The following HSF5 variants were observed in gnomAD, a reference collection of about 807,000 sequenced individuals.
HSF5 encodes heat shock factor protein 5.
Under a neutral mutation model 50.8 loss-of-function variants are expected in HSF5, and 5 were observed. The observed-to-expected ratio is 0.10, with a 90% CI of 0.05 to 0.21. The LOEUF is 0.21. Among genes scored for constraint, HSF5 ranks in the 10% least tolerant of loss-of-function variants. The pLI is 1.00. For missense variants in HSF5, 564 were observed against 762.6 expected, an observed-to-expected ratio of 0.74 and a Z score of 3.07; for synonymous variants, 307 against 307.4, an observed-to-expected ratio of 1.00 and a Z score of 0.02.
At chr17:58,471,900 C>T (rs906133857) in intron 2 of HSF5, among the ~76,000 whole-genome samples, 2 of 152,108 alleles carry the variant, frequency 1.3e-5, no homozygotes, top group African/African-American at 2.4e-5. Context: ...GTTGCCGAGG[C>T]GGGAGTGCAG....
At chr17:58,432,280 T>C (rs926541748) in intron 5 of HSF5, among the ~76,000 whole-genome samples, 65 of 135,228 alleles carry the variant, frequency 4.8e-4, no homozygotes, top group African/African-American at 1.7e-3. Flanking sequence ...CTAGAAAGAG[T>C]GGGGGTGGGA....
chr17:58,455,729 T>C (rs370645377), intron 5 of HSF5, among the ~76,000 whole-genome samples: 1 of 152,100 alleles, frequency 6.6e-6, no homozygotes, highest in Non-Finnish European at 1.5e-5. Context: ...AACAGATATA[T>C]GGAAAAATGC....
chr17:58,446,130 T>G (rs1199875829), intron 5 of HSF5, among the ~76,000 whole-genome samples: 1 of 106,394 alleles, frequency 9.4e-6, no homozygotes, highest in Non-Finnish European at 1.8e-5. Context: ...AGAGTGAAAC[T>G]CCATCTCAAA....
chr17:58,447,887 T>C (rs1341313354), intron 5 of HSF5, among the ~76,000 whole-genome samples: 2 of 152,170 alleles, frequency 1.3e-5, no homozygotes, highest in Non-Finnish European at 2.9e-5. Context: ...CAGTGGCTCA[T>C]GCCTGTAATC....
chr17:58,429,886 C>T (rs1974341519), intron 5 of HSF5, among the ~76,000 whole-genome samples: 1 of 149,394 alleles, frequency 6.7e-6, no homozygotes, highest in Admixed American at 6.7e-5. Context: ...GTTAATTTTA[C>T]CTTAAAAAAA....
At chr17:58,450,172 C>T (rs1263344332) in intron 5 of HSF5, among the ~76,000 whole-genome samples, 1 of 150,312 alleles carries the variant, frequency 6.7e-6, no homozygotes, top group African/African-American at 2.5e-5. Context: ...TCTGTTTCTA[C>T]CAAAAAATAC....
chr17:58,468,090 A>G (rs1393596874), intron 2 of HSF5, among the ~76,000 whole-genome samples: 1 of 152,188 alleles, frequency 6.6e-6, no homozygotes, highest in Non-Finnish European at 1.5e-5. Flanking sequence ...ACTCCAAAGC[A>G]CACGCTCTTT....
At chr17:58,444,955 T>C (rs1024254538) in intron 5 of HSF5, among the ~76,000 whole-genome samples, 7 of 152,036 alleles carry the variant, frequency 4.6e-5, no homozygotes, top group African/African-American at 1.7e-4. Context: ...AAAGATGATA[T>C]ACAAACAGCC....
At chr17:58,467,700 G>A (rs1377780082) in intron 2 of HSF5, among the ~76,000 whole-genome samples, 1 of 152,228 alleles carries the variant, frequency 6.6e-6, no homozygotes, top group African/African-American at 2.4e-5. Context: ...AAGAGTACTG[G>A]TACACAGTAA....
intron 1 of HSF5, among the ~76,000 whole-genome samples, chr17:58,481,819 G>A (rs147463867): frequency 1.5e-3 from 235 of 152,276 alleles, no homozygotes; most frequent in African/African-American, 5.2e-3. Flanking sequence ...CAGCAACATG[G>A]TGAAACCCCA....
Position 58,466,997 on chromosome 17 carries a change from A to G in HSF5, c.926-18T>C. 4 of 1,529,882 alleles carry G rather than the reference A, an allele frequency of 2.6e-6. No individual in the cohort carries two copies. The highest frequency in any genetic ancestry group is 3.6e-6 in the Non-Finnish European group (4 of 1,104,082). The allele number at this position is 1,529,882 out of a possible 1,614,324, so 94.8% of individuals were successfully genotyped here. A position where few individuals can be genotyped will look rare whatever the true frequency, so the allele number is the denominator to read the frequency against. ...TAGCACAGCTGGAACAAATTCAAACACAGAAAAGCCATCAACCACAATACA... is the reference window on the plus strand; with the variant it reads ...TAGCACAGCTGGAACAAATTCAAACGCAGAAAAGCCATCAACCACAATACA... On this transcript the variant is annotated intron_variant, in intron 2 of 5. Coordinates refer to ENST00000323777, the MANE Select transcript of HSF5 (RefSeq NM_001080439.3).
At chr17:58,422,573 C>T (rs958471772) in intron 5 of HSF5, 143 bp from the exon 6 acceptor site, 6 of 580,250 alleles carry the variant, frequency 1.0e-5, no homozygotes, top group East Asian at 6.0e-5. Flanking sequence ...TTCTCAATTT[C>T]GGGATATTCC....
intron 5 of HSF5, among the ~76,000 whole-genome samples, chr17:58,449,276 A>G (rs1211461818): frequency 6.6e-6 from 1 of 152,278 alleles, no homozygotes; most frequent in Non-Finnish European, 1.5e-5. Flanking sequence ...AATAAGTCTT[A>G]CCTGTAAGTC....
intron 5 of HSF5, among the ~76,000 whole-genome samples, chr17:58,422,765 G>A (rs1024475198): frequency 1.3e-5 from 2 of 148,332 alleles, no homozygotes; most frequent in Non-Finnish European, 3.0e-5. Flanking sequence ...GCACAATCTC[G>A]GCTCGCTGCA....
At chr17:58,443,066 C>T (rs1206442162) in intron 5 of HSF5, among the ~76,000 whole-genome samples, 1 of 152,080 alleles carries the variant, frequency 6.6e-6, no homozygotes, top group Non-Finnish European at 1.5e-5. Flanking sequence ...CACCACCACG[C>T]CCGGCTAATT....
chr17:58,425,134 C>T lies in HSF5; in HGVS notation c.1721-2704G>A, dbSNP rs759776868. Among the ~76,000 whole-genome samples the T allele has an allele frequency of 2.4e-4, 36 of 152,166 alleles. 1 individual carries two copies. Among genetic ancestry groups the T allele is most frequent in the Admixed American group, 1.8e-3 (28 of 15,270 alleles). On this transcript the variant is annotated intron_variant, in intron 5 of 5. Coordinates refer to ENST00000323777, the MANE Select transcript of HSF5 (RefSeq NM_001080439.3). ...TACAATGAGGCCGGGTGCGGTGGCT[C>T]ATGCCTGTAATCCCAGTATTTTGGG... is the stretch of plus-strand genomic sequence containing the variant.
intron 5 of HSF5, among the ~76,000 whole-genome samples, chr17:58,426,160 A>G (rs1974294264): frequency 6.6e-6 from 1 of 152,220 alleles, no homozygotes; most frequent in African/African-American, 2.4e-5. Context: ...TGACTGTTAA[A>G]GCAACTACAG....
intron 5 of HSF5, among the ~76,000 whole-genome samples, chr17:58,452,763 C>T (rs929710329): frequency 6.6e-6 from 1 of 152,264 alleles, no homozygotes; most frequent in Non-Finnish European, 1.5e-5. Flanking sequence ...CTCCACGCCA[C>T]CCTCCAGGTG....
intron 5 of HSF5, among the ~76,000 whole-genome samples, chr17:58,450,817 A>G (rs942311718): frequency 2.0e-5 from 3 of 151,736 alleles, no homozygotes; most frequent in African/African-American, 7.3e-5. Context: ...GGCCAGGCAC[A>G]GTAGCTCACG....
Sources: gnomAD v4.1 joint callset for allele counts (sites outside exome capture counted in the v4.1 genomes callset) on GRCh38, gnomAD v4.1.1 for gene constraint, MANE v1.5 for transcripts, NCBI Gene and HGNC (gene_info 2026-07-23, HGNC 2026-07-21) for gene names.